NEURL4: variants seen among roughly 807,000 people sequenced by gnomAD.
NEURL4 encodes neuralized E3 ubiquitin protein ligase 4.
NEURL4 carries 45 observed loss-of-function variants against 148.0 expected under a neutral mutation model. The observed-to-expected ratio is 0.30, with a 90% confidence interval of 0.24 to 0.39. The LOEUF is 0.39. Among genes scored for constraint, NEURL4 ranks in the 10% least tolerant of loss-of-function variants. The pLI, the probability that NEURL4 is intolerant of heterozygous loss-of-function variation, is 1.00. For missense variants in NEURL4, 1,776 were observed against 2,144.0 expected (o/e 0.83, Z 3.39); for synonymous variants, 854 against 869.0 (o/e 0.98, Z 0.30).
chr17:7,324,418 C>T lies in NEURL4; in HGVS notation c.1876G>A (p.Gly626Arg), dbSNP rs779639318. The change falls in exon 10 of 29, where the codon GGG becomes AGG. Residue 626 changes from glycine to arginine, a missense_variant. Coordinates refer to ENST00000399464, the MANE Select transcript of NEURL4 (RefSeq NM_032442.3). This position sits in a 1 kb window ranked among gnomAD's most constrained non-coding sequence, Gnocchi z 5.9. ...ACCTTGAGGCGGTCCAGATTGTGCC[C>T]GTATTCATCCAGGATGGTCGTCCCA... ...HNGTTILDEYGHNLDRLKAGD... is the reference protein window; with the variant it reads ...HNGTTILDEYRHNLDRLKAGD... 11 of 1,614,066 alleles carry T rather than the reference C, an allele frequency of 6.8e-6. No individual in the cohort carries two copies. In the African/African-American group the frequency reaches 1.2e-4, roughly 18 times the overall value.
rs2143014044 is a variant in NEURL4 at position 7,329,262 on chromosome 17, CGGTCCAGGG to C, written c.42_50del (p.Pro15_Pro17del). ...TGGGGCCCCCACCCCCGCCCGGCCC[CGGTCCAGGG>C]CCTCCCCCAGAGCCCCCACTCCCAC... On this transcript the variant is annotated inframe_deletion, in exon 1 of 29. Transcript: ENST00000399464. The C allele has an allele frequency of 2.1e-6, 3 of 1,426,036 alleles. No individual in the cohort carries two copies. The highest frequency in any genetic ancestry group is 2.8e-6 in the Non-Finnish European group (3 of 1,079,938). 88.3% of individuals were successfully genotyped at this position (1,426,036 alleles called of 1,614,324 possible). A position where few individuals can be genotyped will look rare whatever the true frequency, so the allele number is the denominator to read the frequency against.
intron 1 of NEURL4, among the ~76,000 whole-genome samples, chr17:7,328,279 A>G (rs2073128553): frequency 6.6e-6 from 1 of 152,128 alleles, no homozygotes; most frequent in African/African-American, 2.4e-5. Flanking sequence ...CTCTACCCAG[A>G]TTCAATCTCC....
chr17:7,318,237 G>A lies in NEURL4; in HGVS notation c.3952+32C>T. ...AGAAGGGTGAGGGTGGGGGAGTAGG[G>A]GCAGGAGCTGGGTCCCTTTGGGCTG... On this transcript the variant is annotated intron_variant, in intron 24 of 28. Coordinates refer to ENST00000399464, the MANE Select transcript of NEURL4 (RefSeq NM_032442.3). This position sits in a 1 kb window ranked among gnomAD's most constrained non-coding sequence, Gnocchi z 4.3. 6.2e-7 allele frequency: 1 copy of A among 1,611,646 alleles called. No homozygotes were observed. Among genetic ancestry groups the A allele is most frequent in the Non-Finnish European group, 8.5e-7 (1 of 1,177,732 alleles).
In NEURL4 at chr17:7,321,319, C is replaced by T. The variant is rs777674536; in HGVS notation, c.3198+42G>A. 11 of 1,613,724 alleles carry T rather than the reference C, an allele frequency of 6.8e-6. No individual in the cohort carries two copies. The highest frequency in any genetic ancestry group is 9.3e-6 in the Non-Finnish European group (11 of 1,179,768). Reference sequence around the variant, plus strand: ...AGAAAATCAGAGATCAGCAGAAGACCTCAACCATCCTCCCAGAACCCAAGG... The same window carrying T: ...AGAAAATCAGAGATCAGCAGAAGACTTCAACCATCCTCCCAGAACCCAAGG... On this transcript the variant is annotated intron_variant, in intron 19 of 28. Coordinates refer to ENST00000399464, the MANE Select transcript of NEURL4 (RefSeq NM_032442.3). This position sits in a 1 kb window ranked among gnomAD's most constrained non-coding sequence, Gnocchi z 6.3.
Position 7,324,232 on chromosome 17 carries a change from C to T in NEURL4, c.1938G>A (p.Gly646=). The T allele has an allele frequency of 6.2e-7, 1 of 1,612,948 alleles. No homozygotes were observed. Among genetic ancestry groups the T allele is most frequent in the Non-Finnish European group, 8.5e-7 (1 of 1,179,462 alleles). The change falls in exon 11 of 29, where the codon GGG becomes GGA. Residue 646 remains glycine (G), a synonymous_variant. Transcript: ENST00000399464. The surrounding 1 kb of genome is among the most constrained non-coding windows in gnomAD (Gnocchi z 5.9). ...TCCCATTGACAAAGAAGTGGAGAGT[C>T]CCGTCCTCCCGCCGTACCACGCCCA... The part of the protein sequence containing the change: ...DTVGVVRRED[G]TLHFFVNGMT...
rs749422100 is a variant in NEURL4, at chr17:7,322,694, A to G, written c.2725+41T>C. On this transcript the variant is annotated intron_variant, in intron 16 of 28. Coordinates refer to ENST00000399464, the MANE Select transcript of NEURL4 (RefSeq NM_032442.3). This position sits in a 1 kb window ranked among gnomAD's most constrained non-coding sequence, Gnocchi z 5.5. ...AAACCCTACTCCTCAGGTGCACAGC[A>G]GGCAAGCAGAGCCCGTCCAGCCCCC... The G allele has an allele frequency of 1.9e-6, 3 of 1,598,266 alleles. No individual in the cohort carries two copies. Among genetic ancestry groups the G allele is most frequent in the Non-Finnish European group, 2.6e-6 (3 of 1,175,064 alleles).
At position 7,321,891 on chromosome 17, in the gene NEURL4, C is replaced by T. The variant is rs2073039165; in HGVS notation, c.2845G>A (p.Glu949Lys). ...TCAAAGACTTCCTCAGCCCTCAGCT[C>T]CTTGGTACTGAAGACAAGGCCATGA... ...YAHGLVFSTK[E>K]LRAEEVFEVK... is the part of the protein sequence containing the mutation. Residue 949 changes from glutamate to lysine, a missense_variant, in exon 17 of 29, where the codon GAG becomes AAG. Glu to Lys is a moderately conservative substitution (Grantham distance 56, BLOSUM62 1). Coordinates refer to ENST00000399464, the MANE Select transcript of NEURL4 (RefSeq NM_032442.3). This position sits in a 1 kb window ranked among gnomAD's most constrained non-coding sequence, Gnocchi z 6.3. 6.2e-7 allele frequency: 1 copy of T among 1,613,918 alleles called. No individual in the cohort carries two copies. Among genetic ancestry groups the T allele is most frequent in the Non-Finnish European group, 8.5e-7 (1 of 1,180,012 alleles).
rs374281551 is a variant in NEURL4 at position 7,319,374 on chromosome 17, C to CTTTTT, written c.3526-171_3526-167dup. ...CGCTAATTTAGTTGTTTCTTTCCCT[C>CTTTTT]TTTTTTTTTTTTTTTTTTTTTTTTT... On this transcript the variant is annotated intron_variant, in intron 21 of 28. Coordinates refer to ENST00000399464, the MANE Select transcript of NEURL4 (RefSeq NM_032442.3). Among the ~76,000 whole-genome samples, 113 of 113,880 alleles carry CTTTTT rather than the reference C, an allele frequency of 9.9e-4. 2 individuals are homozygous for CTTTTT. Among genetic ancestry groups the CTTTTT allele is most frequent in the Admixed American group, 1.4e-3 (15 of 10,864 alleles). The allele number at this position is 113,880 out of a possible 152,430, so 74.7% of individuals were successfully genotyped here.
At position 7,321,943 on chromosome 17, in the gene NEURL4, C is replaced by T. The variant is rs200957983; in HGVS notation, c.2793G>A (p.Thr931=). 41 of 1,613,718 alleles carry T rather than the reference C, an allele frequency of 2.5e-5. No homozygotes were observed. In the Admixed American group the frequency reaches 4.2e-4, roughly 16 times the overall value. Residue 931 remains threonine, a synonymous_variant, in exon 17 of 29, where the codon ACG becomes ACA. Transcript: ENST00000399464. This position sits in a 1 kb window ranked among gnomAD's most constrained non-coding sequence, Gnocchi z 6.3. ...CATAGCCAGCGGCACGCACTGCCCT[C>T]GTGCCATCCTCCTCTAGAGTGACGT... ...GKNVTLEEDG[T]RAVRAAGYAH...
rs2073056186 is a variant in NEURL4, at chr17:7,323,239, G to A, written c.2418-116C>T. On this transcript the variant is annotated intron_variant, in intron 14 of 28. Coordinates refer to ENST00000399464, the MANE Select transcript of NEURL4 (RefSeq NM_032442.3). ...GTCTTGGGCTGGTGTCTTGATCTGG[G>A]TGTAAGGCCCAATCCTATCTCCTCT... The A allele has an allele frequency of 1.6e-5, 18 of 1,151,214 alleles. 2 individuals carry two copies. The Admixed American group carries it at 3.8e-4, about 24-fold the overall frequency. 71.3% of individuals were successfully genotyped at this position (1,151,214 alleles called of 1,614,324 possible). A position where few individuals can be genotyped will look rare whatever the true frequency, so the allele number is the denominator to read the frequency against.
At chr17:7,325,863 TC>T (rs1237542718) in intron 6 of NEURL4, 150 bp from the exon 7 acceptor site, 1 of 692,218 alleles carries the variant, frequency 1.4e-6, no homozygotes, top group East Asian at 2.6e-5. Flanking sequence ...CATGACAATT[TC>T]CACATTTCGT....
intron 21 of NEURL4, among the ~76,000 whole-genome samples, chr17:7,319,466 T>C (rs192194637): frequency 0.014 from 2,039 of 145,230 alleles, 44 homozygotes; most frequent in African/African-American, 0.051. Flanking sequence ...TTTGGGAGGC[T>C]GAGGTGGGTG....
rs747321573 is a variant in NEURL4, at chr17:7,327,911, T to A, written c.283-27A>T. On this transcript the variant is annotated intron_variant, in intron 1 of 28. Coordinates refer to ENST00000399464, the MANE Select transcript of NEURL4 (RefSeq NM_032442.3). The surrounding 1 kb of genome is among the most constrained non-coding windows in gnomAD (Gnocchi z 6.6). ...TGGGATAGGGGTATTGGACAGAGGC[T>A]TAGAATGGGCCACCCCCCATTCCAC... 5 of 1,535,686 alleles carry A rather than the reference T, an allele frequency of 3.3e-6. No homozygotes were observed. The African/African-American group carries it at 6.9e-5, about 21-fold the overall frequency.
In NEURL4 at chr17:7,327,787, G is replaced by A. The variant is rs576392414; in HGVS notation, c.380C>T (p.Ser127Leu). ...CACAGAGCAGCCCGACACTACCCAC[G>A]AGCCCCCCTTCAGGCCCGTGGCACT... is the stretch of plus-strand genomic sequence containing the variant. The part of the protein sequence containing the change: ...PSSATGLKGG[S>L]WVVSGCSVLR... Residue 127 changes from serine (S) to leucine (L), a missense_variant, in exon 2 of 29, where the codon TCG (serine) becomes TTG (leucine). Transcript: ENST00000399464. This position sits in a 1 kb window ranked among gnomAD's most constrained non-coding sequence, Gnocchi z 6.6. 2 of 1,613,998 alleles carry A rather than the reference G, an allele frequency of 1.2e-6. No homozygotes were observed. Among genetic ancestry groups the A allele is most frequent in the South Asian group, 1.1e-5 (1 of 91,082 alleles).
chr17:7,315,943 G>C lies in NEURL4; in HGVS notation c.*180C>G. ...CCATCAGACGGAGTGCTGGGCCTCC[G>C]GACATGGAGCTGTGCCACTTGCCAC... is the stretch of plus-strand genomic sequence containing the variant. On this transcript the variant is annotated 3_prime_UTR_variant, in exon 29 of 29. Coordinates refer to ENST00000399464, the MANE Select transcript of NEURL4 (RefSeq NM_032442.3). 1 of 603,192 alleles carries C rather than the reference G, an allele frequency of 1.7e-6. No homozygotes were observed. Among genetic ancestry groups the C allele is most frequent in the South Asian group, 2.0e-5 (1 of 51,262 alleles). The allele number at this position is 603,192 out of a possible 1,614,324, so 37.4% of individuals were successfully genotyped here.
chr17:7,329,212 G>A lies in NEURL4; in HGVS notation c.101C>T (p.Ser34Phe). 6.4e-7 allele frequency: 1 copy of A among 1,558,314 alleles called. No homozygotes were observed. The highest frequency in any genetic ancestry group is 8.6e-7 in the Non-Finnish European group (1 of 1,157,964). ...GPSGSGSGPG[S>F]NGGLGSGGEL... ...CCCGCCGCTGCCCAGACCCCCGTTG[G>A]ACCCCGGTCCTGAGCCGCTCCCGCT... Residue 34 changes from serine to phenylalanine, a missense_variant, in exon 1 of 29, where the codon TCC becomes TTC. Coordinates refer to ENST00000399464, the MANE Select transcript of NEURL4 (RefSeq NM_032442.3).
rs776963403 is a variant in NEURL4, at chr17:7,324,216, CAAA to C, written c.1951_1953del (p.Phe651del). 1 of 1,613,724 alleles carries C rather than the reference CAAA, an allele frequency of 6.2e-7. No homozygotes were observed. Among genetic ancestry groups the C allele is most frequent in the Non-Finnish European group, 8.5e-7 (1 of 1,180,014 alleles). On this transcript the variant is annotated inframe_deletion, in exon 11 of 29. Coordinates refer to ENST00000399464, the MANE Select transcript of NEURL4 (RefSeq NM_032442.3). The surrounding 1 kb of genome is among the most constrained non-coding windows in gnomAD (Gnocchi z 5.9). ...GCAGGGCCCTGAGTCATCCCATTGACAAAGAAGTGGAGAGTCCCGTCCTCCCGC... is the reference window on the plus strand; with the variant it reads ...GCAGGGCCCTGAGTCATCCCATTGACGAAGTGGAGAGTCCCGTCCTCCCGC...
In NEURL4 at chr17:7,327,158, C is replaced by T. The variant is rs913868058; in HGVS notation, c.793+7G>A. 15 of 1,611,946 alleles carry T rather than the reference C, an allele frequency of 9.3e-6. No individual in the cohort carries two copies. The highest frequency in any genetic ancestry group is 1.2e-5 in the Non-Finnish European group (14 of 1,179,814). On this transcript the variant is annotated splice_region_variant and intron_variant, in intron 3 of 28. Coordinates refer to ENST00000399464, the MANE Select transcript of NEURL4 (RefSeq NM_032442.3). This position sits in a 1 kb window ranked among gnomAD's most constrained non-coding sequence, Gnocchi z 6.6. ...TCCCCTTCCCAGGGCCTCCCCAAAG[C>T]CCTCACCATTATGCGACTCAAGGCT...
chr17:7,329,326 G>C lies in NEURL4; in HGVS notation c.-14C>G. The C allele has an allele frequency of 2.3e-6, 3 of 1,329,352 alleles. No individual in the cohort carries two copies. Among genetic ancestry groups the C allele is most frequent in the Non-Finnish European group, 2.9e-6 (3 of 1,044,710 alleles). The allele number at this position is 1,329,352 out of a possible 1,614,324, so 82.3% of individuals were successfully genotyped here. ...CCCTGCCGCCATCTCCGCTGACACC[G>C]GGGCAGCGCGACAGCCGCGCTTGGC... On this transcript the variant is annotated 5_prime_UTR_variant, in exon 1 of 29. Transcript: ENST00000399464.
Sources: gnomAD v4.1 joint callset for allele counts (sites outside exome capture counted in the v4.1 genomes callset) on GRCh38, gnomAD v4.1.1 for gene constraint, Gnocchi (gnomAD v3.1) non-coding constraint, MANE v1.5 for transcripts, NCBI Gene and HGNC (gene_info 2026-07-23, HGNC 2026-07-21) for gene names.